The following CCSER1 variants were observed in gnomAD, a reference collection of about 807,000 sequenced individuals.
CCSER1 encodes the protein serine-rich coiled-coil domain-containing protein 1.
A neutral mutation model predicts 82.0 loss-of-function variants in CCSER1; 41 were observed. The observed-to-expected ratio is 0.50, with a 90% confidence interval of 0.39 to 0.65. CCSER1 has a LOEUF of 0.65. Ranked by LOEUF, CCSER1 falls within the 30% of genes least tolerant of loss-of-function variation. The pLI, the probability that CCSER1 is intolerant of heterozygous loss-of-function variation, is 0.00. For synonymous variants in CCSER1, 414 were observed against 383.9 expected (o/e 1.08, Z -0.92); for missense variants, 1,119 against 1,064.2 (o/e 1.05, Z -0.72).
At chr4:90,298,128 T>C (rs940002265) in intron 1 of CCSER1, among the ~76,000 whole-genome samples, 1 of 152,146 alleles carries the variant, frequency 6.6e-6, no homozygotes, top group African/African-American at 2.4e-5. Flanking sequence ...GGTCCTGGAC[T>C]CTTTTTGGTT....
At chr4:90,283,726 A>G (rs981156792) in intron 1 of CCSER1, among the ~76,000 whole-genome samples, 1 of 151,958 alleles carries the variant, frequency 6.6e-6, no homozygotes, top group African/African-American at 2.4e-5. Context: ...ATCCATTCAT[A>G]TGTTGATGGA....
intron 3 of CCSER1, among the ~76,000 whole-genome samples, chr4:90,347,801 G>A (rs1398848237): frequency 2.0e-5 from 3 of 152,084 alleles, no homozygotes; most frequent in East Asian, 1.9e-4. Context: ...AGAAGAAAAT[G>A]TTCAGTTGAA....
intron 1 of CCSER1, among the ~76,000 whole-genome samples, chr4:90,266,988 A>G (rs1016477855): frequency 6.6e-6 from 1 of 151,866 alleles, no homozygotes; most frequent in Non-Finnish European, 1.5e-5. Flanking sequence ...TTTGTTTTGC[A>G]TCTTAAGTAG....
chr4:91,091,192 C>T (rs1041585919), intron 10 of CCSER1, among the ~76,000 whole-genome samples: 1 of 152,244 alleles, frequency 6.6e-6, no homozygotes, highest in East Asian at 1.9e-4. Flanking sequence ...TAAGATTATG[C>T]GTTTGGGCAC....
intron 10 of CCSER1, among the ~76,000 whole-genome samples, chr4:91,241,542 G>T (rs888991799): frequency 2.7e-5 from 4 of 147,996 alleles, no homozygotes; most frequent in Admixed American, 6.7e-5. Flanking sequence ...TAGCCAGGAT[G>T]GTCTCGATCT....
intron 7 of CCSER1, among the ~76,000 whole-genome samples, chr4:90,745,133 T>A (rs963154639): frequency 1.3e-5 from 2 of 152,102 alleles, no homozygotes; most frequent in Non-Finnish European, 2.9e-5. Context: ...ATCAATATGA[T>A]GGCCTGGTCG....
intron 10 of CCSER1, among the ~76,000 whole-genome samples, chr4:91,542,518 T>A (rs1249995242): frequency 2.0e-5 from 3 of 152,168 alleles, no homozygotes; most frequent in Admixed American, 2.0e-4. Context: ...TTCTCACTGG[T>A]TTCAAAGAAC....
chr4:90,761,644 AT>A (rs1750424675), intron 7 of CCSER1, among the ~76,000 whole-genome samples: 1 of 152,154 alleles, frequency 6.6e-6, no homozygotes, highest in Admixed American at 6.6e-5. Flanking sequence ...AGTAAGTGTA[AT>A]TTTTAGGAGT....
At chr4:90,385,381 A>G (rs1013794648) in intron 3 of CCSER1, among the ~76,000 whole-genome samples, 1 of 146,260 alleles carries the variant, frequency 6.8e-6, no homozygotes, top group Admixed American at 6.9e-5. Flanking sequence ...TTTTTTAACC[A>G]TATCTGTGTC....
rs373003610 is a variant in CCSER1 at position 91,200,108 on chromosome 4, T to G, written c.2217+114114T>G. On this transcript the variant is annotated intron_variant, in intron 10 of 10. Coordinates refer to ENST00000509176, the MANE Select transcript of CCSER1 (RefSeq NM_001145065.2). The stretch of plus-strand genomic sequence containing the variant: ...TGAATGTGTCTATGGAGAGCATTGT[T>G]TCAAAATGTTTTGACAAATATATCC... 3.4e-3 allele frequency among the ~76,000 whole-genome samples: 522 copies of G among 152,186 alleles called. 26 individuals carry two copies. In the South Asian group the frequency reaches 0.08, roughly 23 times the overall value.
intron 1 of CCSER1, among the ~76,000 whole-genome samples, chr4:90,271,848 ATATATATATATATATTTTTTTT>A (rs1344435765): frequency 1.7e-4 from 4 of 23,352 alleles, no homozygotes; most frequent in African/African-American, 1.6e-3. Context: ...ATATATATAT[ATATATATATATATATTTTTTTT>A]TTTTTTTTTT....
intron 10 of CCSER1, among the ~76,000 whole-genome samples, chr4:91,427,016 A>T (rs1293244349): frequency 6.6e-6 from 1 of 152,176 alleles, no homozygotes; most frequent in African/African-American, 2.4e-5. Context: ...CTGTCCTAAC[A>T]TCATAGAATA....
intron 8 of CCSER1, among the ~76,000 whole-genome samples, chr4:90,898,477 G>A (rs1372142683): frequency 1.0e-4 from 15 of 148,880 alleles, no homozygotes; most frequent in East Asian, 7.9e-4. Context: ...TAGTAGAGAC[G>A]GGGTTTCACT....
intron 9 of CCSER1, among the ~76,000 whole-genome samples, chr4:91,057,980 C>T (rs1036507528): frequency 6.6e-6 from 1 of 152,090 alleles, no homozygotes; most frequent in African/African-American, 2.4e-5. Flanking sequence ...AACATCTGCA[C>T]CCTCTTTTCT....
At chr4:90,916,397 A>G (rs539964318) in intron 8 of CCSER1, among the ~76,000 whole-genome samples, 2 of 152,304 alleles carry the variant, frequency 1.3e-5, no homozygotes, top group East Asian at 3.9e-4. Flanking sequence ...AAACCTGACA[A>G]AAACAAGAAA....
intron 7 of CCSER1, among the ~76,000 whole-genome samples, chr4:90,796,815 A>G (rs1756105288): frequency 6.6e-6 from 1 of 152,094 alleles, no homozygotes. Flanking sequence ...CTTAGTTTTG[A>G]CTACTAATTT....
chr4:91,017,165 G>A (rs1357549759), intron 9 of CCSER1: 8 of 152,112 alleles, frequency 5.3e-5, no homozygotes, highest in South Asian at 4.1e-4. Context: ...TAGTGAAAAC[G>A]AAGTAAGATC....
At chr4:90,507,579 C>T (rs1366814593) in intron 5 of CCSER1, among the ~76,000 whole-genome samples, 3 of 151,928 alleles carry the variant, frequency 2.0e-5, no homozygotes, top group Non-Finnish European at 4.4e-5. Flanking sequence ...ACAATCATTT[C>T]ATACATTTTA....
chr4:91,370,902 C>T (rs1326726055), intron 10 of CCSER1, among the ~76,000 whole-genome samples: 4 of 151,996 alleles, frequency 2.6e-5, no homozygotes, highest in African/African-American at 7.2e-5. Context: ...TACTCTGTCG[C>T]CCAGGTTGGA....
Sources: gnomAD v4.1 joint callset for allele counts (sites outside exome capture counted in the v4.1 genomes callset) on GRCh38, gnomAD v4.1.1 for gene constraint, MANE v1.5 for transcripts, NCBI Gene and HGNC (gene_info 2026-07-23, HGNC 2026-07-21) for gene names.